Variants in UBE2E2 observed in about 807,000 individuals in gnomAD.
UBE2E2 encodes the protein ubiquitin conjugating enzyme E2 E2, also known as ubiquitin-conjugating enzyme E2 E2.
A neutral mutation model predicts 24.7 loss-of-function variants in UBE2E2; 6 were observed. The ratio of observed to expected loss-of-function variants is 0.24; its 90% CI spans 0.13 to 0.48. The LOEUF is 0.48. Ranked by LOEUF, UBE2E2 falls within the 20% of genes least tolerant of loss-of-function variation. UBE2E2 has a pLI of 0.99. For synonymous variants in UBE2E2, 104 were observed against 83.6 expected (o/e 1.24, Z -1.33); for missense variants, 169 against 245.0 (o/e 0.69, Z 2.07).
intron 3 of UBE2E2, among the ~76,000 whole-genome samples, chr3:23,436,438 C>G (rs1278836827): frequency 6.6e-6 from 1 of 152,190 alleles, no homozygotes; most frequent in Non-Finnish European, 1.5e-5. Context: ...AGAATTCGTA[C>G]ACTGTAGCAT....
chr3:23,216,138 CA>C (rs1485703618), intron 2 of UBE2E2, among the ~76,000 whole-genome samples: 1 of 152,112 alleles, frequency 6.6e-6, no homozygotes, highest in African/African-American at 2.4e-5. Context: ...ATTACAATGA[CA>C]TTTTTTTGAC....
chr3:23,270,479 C>G (rs536395508), intron 3 of UBE2E2, among the ~76,000 whole-genome samples: 2 of 152,118 alleles, frequency 1.3e-5, no homozygotes, highest in Non-Finnish European at 1.5e-5. Flanking sequence ...GGGAAACACT[C>G]GTTCTGGCTC....
intron 3 of UBE2E2, among the ~76,000 whole-genome samples, chr3:23,250,539 AT>A (rs1257581416): frequency 6.6e-6 from 1 of 152,152 alleles, no homozygotes; most frequent in African/African-American, 2.4e-5. Flanking sequence ...TATTCTGTCA[AT>A]TTTTGTTAGA....
intron 3 of UBE2E2, among the ~76,000 whole-genome samples, chr3:23,339,898 A>G (rs1420399766): frequency 6.6e-6 from 1 of 152,116 alleles, no homozygotes; most frequent in Non-Finnish European, 1.5e-5. Flanking sequence ...TGTTTGTTTT[A>G]GTTTATTTTT....
rs201653826 is a variant in UBE2E2 at position 23,285,148 on chromosome 3, C to T, written c.227+67836C>T. On this transcript the variant is annotated intron_variant, in intron 3 of 5. Transcript: ENST00000396703. ...GACAAAAGTTTGTCTTTCTTTGCCT[C>T]ATTTATTTCACTTAACATAATGACT... Among the ~76,000 whole-genome samples, 28 of 152,154 alleles carry T rather than the reference C, an allele frequency of 1.8e-4. No individual in the cohort carries two copies. The East Asian group carries it at 5.2e-3, about 28-fold the overall frequency.
At chr3:23,296,594 T>A (rs1231876586) in intron 3 of UBE2E2, among the ~76,000 whole-genome samples, 1 of 152,168 alleles carries the variant, frequency 6.6e-6, no homozygotes, top group African/African-American at 2.4e-5. Flanking sequence ...TTGCTGAGAA[T>A]TACGGTTTCC....
At chr3:23,575,128 T>G (rs1696319720) in intron 5 of UBE2E2, among the ~76,000 whole-genome samples, 1 of 152,218 alleles carries the variant, frequency 6.6e-6, no homozygotes, top group Non-Finnish European at 1.5e-5. Flanking sequence ...TGAACATTTG[T>G]GTGAATACAT....
intron 4 of UBE2E2, among the ~76,000 whole-genome samples, chr3:23,528,233 A>G (rs547618410): frequency 9.9e-5 from 15 of 152,244 alleles, no homozygotes; most frequent in Non-Finnish European, 1.9e-4. Context: ...TGATTCTTCC[A>G]ATCTCATAGA....
chr3:23,449,110 G>A (rs559930560), intron 3 of UBE2E2, among the ~76,000 whole-genome samples: 1 of 152,104 alleles, frequency 6.6e-6, no homozygotes, highest in African/African-American at 2.4e-5. Context: ...GAAAAATTTA[G>A]GGTAACTCTT....
At chr3:23,586,536 T>G (rs1054919587) in intron 5 of UBE2E2, among the ~76,000 whole-genome samples, 2 of 152,120 alleles carry the variant, frequency 1.3e-5, no homozygotes. Context: ...GGCCTCAAGC[T>G]GTCCTCCACC....
chr3:23,560,619 C>T (rs1332902842), intron 5 of UBE2E2, among the ~76,000 whole-genome samples: 1 of 151,982 alleles, frequency 6.6e-6, no homozygotes, highest in African/African-American at 2.4e-5. Context: ...ATTTCTAGTT[C>T]TAGATCCTTG....
intron 3 of UBE2E2, among the ~76,000 whole-genome samples, chr3:23,264,821 T>C (rs1245192221): frequency 6.6e-6 from 1 of 152,198 alleles, no homozygotes; most frequent in Non-Finnish European, 1.5e-5. Flanking sequence ...ATTGTATTCA[T>C]ATTATTAAGC....
chr3:23,532,632 T>C lies in UBE2E2; in HGVS notation c.439T>C (p.Trp147Arg). 6.3e-7 allele frequency: 1 copy of C among 1,579,968 alleles called. No individual in the cohort carries two copies. Among genetic ancestry groups the C allele is most frequent in the Non-Finnish European group, 8.6e-7 (1 of 1,156,138 alleles). ...CTGTCTGGACATCTTAAAGGACAAC[T>C]GGAGTCCGGCTTTAACTATTTCTAA... ...VICLDILKDN[W>R]SPALTISKVL... Residue 147 changes from tryptophan to arginine, a missense_variant, in exon 5 of 6, where the codon TGG becomes CGG. Physicochemically the swap from Trp to Arg is moderately radical, Grantham distance 101. Coordinates refer to ENST00000396703, the MANE Select transcript of UBE2E2 (RefSeq NM_152653.4).
intron 5 of UBE2E2, among the ~76,000 whole-genome samples, chr3:23,582,476 C>G (rs975666384): frequency 1.3e-5 from 2 of 152,208 alleles, no homozygotes; most frequent in African/African-American, 4.8e-5. Context: ...GAAATCACCA[C>G]ACTGCTTTCC....
chr3:23,274,708 G>C (rs1288805654), intron 3 of UBE2E2, among the ~76,000 whole-genome samples: 1 of 151,976 alleles, frequency 6.6e-6, no homozygotes, highest in African/African-American at 2.4e-5. Flanking sequence ...TCATATGTGT[G>C]TTCCACAATT....
At chr3:23,350,473 A>G (rs781325371) in intron 3 of UBE2E2, among the ~76,000 whole-genome samples, 3 of 152,224 alleles carry the variant, frequency 2.0e-5, no homozygotes, top group African/African-American at 7.2e-5. Flanking sequence ...AAGGCAAAGA[A>G]GTAAAAAACT....
chr3:23,560,101 T>G (rs1272247057), intron 5 of UBE2E2, among the ~76,000 whole-genome samples: 1 of 152,176 alleles, frequency 6.6e-6, no homozygotes, highest in Non-Finnish European at 1.5e-5. Context: ...AGGGTACATG[T>G]GCACAACGTG....
At chr3:23,465,344 C>T (rs751095777) in intron 3 of UBE2E2, among the ~76,000 whole-genome samples, 6 of 152,216 alleles carry the variant, frequency 3.9e-5, no homozygotes, top group Non-Finnish European at 7.3e-5. Context: ...ATTGGAATCA[C>T]ACTAGGTATA....
chr3:23,570,044 A>G (rs1271520785), intron 5 of UBE2E2, among the ~76,000 whole-genome samples: 1 of 152,160 alleles, frequency 6.6e-6, no homozygotes, highest in Non-Finnish European at 1.5e-5. Context: ...CTTTCTCATT[A>G]TTAGAAGGTC....
Sources: gnomAD v4.1 joint callset for allele counts (sites outside exome capture counted in the v4.1 genomes callset) on GRCh38, gnomAD v4.1.1 for gene constraint, MANE v1.5 for transcripts, NCBI Gene and HGNC (gene_info 2026-07-23, HGNC 2026-07-21) for gene names.